FLVCR2: variants seen among roughly 807,000 people sequenced by gnomAD.
The protein encoded by FLVCR2 is FLVCR choline and putative heme transporter 2, also known as choline/ethanolamine transporter FLVCR2.
A neutral mutation model predicts 48.9 loss-of-function variants in FLVCR2; 38 were observed. The observed-to-expected ratio is 0.78, with a 90% confidence interval of 0.60 to 1.02. The LOEUF is 1.02. FLVCR2 is among the 50% of genes least tolerant of loss of function. The pLI, the probability that FLVCR2 is intolerant of heterozygous loss-of-function variation, is 0.00. For missense variants in FLVCR2, 664 were observed against 663.3 expected, an observed-to-expected ratio of 1.00 and a Z score of -0.01; for synonymous variants, 255 against 257.0, an observed-to-expected ratio of 0.99 and a Z score of 0.07.
intron 1 of FLVCR2, among the ~76,000 whole-genome samples, chr14:75,598,117 T>G (rs1197083746): frequency 6.6e-6 from 1 of 152,034 alleles, no homozygotes; most frequent in Non-Finnish European, 1.5e-5. Flanking sequence ...AGTGCTGGGA[T>G]TACAGGTGTG....
At chr14:75,631,017 T>A (rs1377317313) in intron 3 of FLVCR2, among the ~76,000 whole-genome samples, 1 of 152,116 alleles carries the variant, frequency 6.6e-6, no homozygotes, top group East Asian at 1.9e-4. Context: ...GGCAGTAGAG[T>A]GGACTTACGC....
Position 75,640,191 on chromosome 14 carries a change from G to A in FLVCR2, c.1235+729G>A, listed in dbSNP as rs1043543386. On this transcript the variant is annotated intron_variant, in intron 6 of 9. Coordinates refer to ENST00000238667, the MANE Select transcript of FLVCR2 (RefSeq NM_017791.3). ...GGAGAATCGCTGGCACCTGGGAGGC[G>A]GAAGTTGCAGTGAGCCAAGATCGAA... Among the ~76,000 whole-genome samples the A allele has an allele frequency of 7.3e-5, 11 of 150,528 alleles. No homozygotes were observed. The East Asian group carries it at 1.6e-3, about 21-fold the overall frequency.
chr14:75,596,030 T>A (rs1566784756), intron 1 of FLVCR2: 2 of 1,370,130 alleles, frequency 1.5e-6, no homozygotes, highest in Non-Finnish European at 2.1e-6. Flanking sequence ...GAGTTTTGAA[T>A]GCAAATACAA....
At chr14:75,598,000 ATT>A (rs1046693005) in intron 1 of FLVCR2, among the ~76,000 whole-genome samples, 1 of 147,708 alleles carries the variant, frequency 6.8e-6, no homozygotes, top group Non-Finnish European at 1.5e-5. Flanking sequence ...GTCAGGGCTG[ATT>A]TTTTTTTTTC....
chr14:75,607,141 G>C (rs1263967841), intron 1 of FLVCR2, among the ~76,000 whole-genome samples: 1 of 152,166 alleles, frequency 6.6e-6, no homozygotes. Flanking sequence ...CAGGATACCT[G>C]TCCTCTTTGG....
At chr14:75,635,483 G>A (rs1326287937) in intron 5 of FLVCR2, among the ~76,000 whole-genome samples, 1 of 152,194 alleles carries the variant, frequency 6.6e-6, no homozygotes, top group Non-Finnish European at 1.5e-5. Context: ...ATATTATTGT[G>A]CAATTATTTA....
chr14:75,623,712 G>T (rs1889818789), intron 2 of FLVCR2, among the ~76,000 whole-genome samples: 1 of 152,010 alleles, frequency 6.6e-6, no homozygotes, highest in Non-Finnish European at 1.5e-5. Flanking sequence ...TTTGAACACT[G>T]CCTGGGAGGT....
rs768605943 is a variant in FLVCR2, at chr14:75,641,286, C to A, written c.1446C>A (p.Ala482=). 6.2e-7 allele frequency: 1 copy of A among 1,612,940 alleles called. No homozygotes were observed. Among genetic ancestry groups the A allele is most frequent in the Non-Finnish European group, 8.5e-7 (1 of 1,179,074 alleles). ...FLCVFLTLGA[A]LTAFIKADLR... ...GTGTGTTCCTTACTCTTGGAGCAGC[C>A]CTCACTGGTGAGTTGGAGCCTGAGG... The change falls in exon 8 of 10, where the codon GCC becomes GCA. Residue 482 remains alanine, a synonymous_variant. Coordinates refer to ENST00000238667, the MANE Select transcript of FLVCR2 (RefSeq NM_017791.3).
In FLVCR2 at chr14:75,646,775, T is replaced by C. The variant is rs999624940; in HGVS notation, c.*303T>C. 1 of 411,746 alleles carries C rather than the reference T, an allele frequency of 2.4e-6. No individual in the cohort carries two copies. The highest frequency in any genetic ancestry group is 4.6e-6 in the Non-Finnish European group (1 of 216,832). 25.5% of individuals were successfully genotyped at this position (411,746 alleles called of 1,614,324 possible). On this transcript the variant is annotated 3_prime_UTR_variant, in exon 10 of 10. Transcript: ENST00000238667. ...TGGAGTCAATCCTAGCTTGGTCTCTTGCCTTCCCTCTTTTCCTCCATCCAT... is the reference window on the plus strand; with the variant it reads ...TGGAGTCAATCCTAGCTTGGTCTCTCGCCTTCCCTCTTTTCCTCCATCCAT...
At chr14:75,636,801 G>A (rs1054268455) in intron 5 of FLVCR2, among the ~76,000 whole-genome samples, 6 of 152,034 alleles carry the variant, frequency 3.9e-5, no homozygotes. Flanking sequence ...TTGGAGGTTG[G>A]AAATTGGGTG....
At position 75,579,643 on chromosome 14, in the gene FLVCR2, T is replaced by A. The variant is rs1481379811; in HGVS notation, c.669+2T>A. On this transcript the variant is annotated splice_donor_variant, in intron 1 of 9. Transcript: ENST00000238667. LOFTEE classifies it high-confidence loss of function. ...TCCGTGGCTGTCTTTGGCAATCAGG[T>A]AGGTAGAACAGTTTGTGAATGTTCC... 3 of 1,613,964 alleles carry A rather than the reference T, an allele frequency of 1.9e-6. No homozygotes were observed. In the Admixed American group the frequency reaches 5.0e-5, roughly 27 times the overall value.
chr14:75,585,846 G>A (rs541884729), intron 1 of FLVCR2, among the ~76,000 whole-genome samples: 143 of 152,342 alleles, frequency 9.4e-4, no homozygotes, highest in African/African-American at 3.4e-3. Context: ...GAATTGGAAG[G>A]ACAGGGAGAT....
intron 2 of FLVCR2, among the ~76,000 whole-genome samples, chr14:75,623,245 G>A (rs1264799354): frequency 6.6e-6 from 1 of 152,206 alleles, no homozygotes; most frequent in Non-Finnish European, 1.5e-5. Flanking sequence ...GCCTCCCAAA[G>A]TGCTGGGATT....
At chr14:75,639,208 C>T in intron 5 of FLVCR2, 144 bp from the exon 6 acceptor site, 1 of 699,888 alleles carries the variant, frequency 1.4e-6, no homozygotes, top group Non-Finnish European at 2.6e-6. Context: ...AAGACACTGT[C>T]TCTGAAAACA....
intron 1 of FLVCR2, among the ~76,000 whole-genome samples, chr14:75,592,773 G>A (rs1888917177): frequency 6.6e-6 from 1 of 152,042 alleles, no homozygotes; most frequent in Non-Finnish European, 1.5e-5. Flanking sequence ...CGGATCACCT[G>A]AGGTCAGGAG....
chr14:75,624,620 G>A lies in FLVCR2; in HGVS notation c.820G>A (p.Glu274Lys). The A allele has an allele frequency of 1.2e-6, 2 of 1,614,004 alleles. No homozygotes were observed. The highest frequency in any genetic ancestry group is 1.7e-6 in the Non-Finnish European group (2 of 1,180,012). Reference protein sequence around the residue: ...LLILVIIVFKEKPKYPPSRAQ... With the variant: ...LLILVIIVFKKKPKYPPSRAQ... ...TGTTTTTTTCCTTTCAGTGTTCAAG[G>A]AGAAACCTAAATATCCCCCCAGCAG... The change falls in exon 3 of 10, where the codon GAG becomes AAG. Residue 274 changes from glutamate (E) to lysine (K), a missense_variant. By Grantham distance (56) the Glu-to-Lys change is moderately conservative (BLOSUM62 1). Transcript: ENST00000238667.
intron 3 of FLVCR2, chr14:75,632,634 C>T (rs1320833246): frequency 1.4e-6 from 1 of 702,218 alleles, no homozygotes; most frequent in South Asian, 1.5e-5. Flanking sequence ...TGAAGAGGAA[C>T]TCCTGAGGCT....
At position 75,627,098 on chromosome 14, in the gene FLVCR2, G is replaced by T. The variant is rs958407672; in HGVS notation, c.952+2346G>T. Among the ~76,000 whole-genome samples, 9 of 151,884 alleles carry T rather than the reference G, an allele frequency of 5.9e-5. 1 individual carries two copies. The highest frequency in any genetic ancestry group is 1.7e-4 in the African/African-American group (7 of 41,142). ...TTGCTCCTGGTCATCGAGGGGTCAA[G>T]CCTAGGCCATGCTGTGGGGAGCAAA... On this transcript the variant is annotated intron_variant, in intron 3 of 9. Coordinates refer to ENST00000238667, the MANE Select transcript of FLVCR2 (RefSeq NM_017791.3).
intron 1 of FLVCR2, among the ~76,000 whole-genome samples, chr14:75,598,870 C>T (rs1889090729): frequency 1.3e-5 from 2 of 152,224 alleles, no homozygotes; most frequent in African/African-American, 4.8e-5. Flanking sequence ...TTCCAGACCT[C>T]CGCTCCCCAC....
Sources: gnomAD v4.1 joint callset for allele counts (sites outside exome capture counted in the v4.1 genomes callset) on GRCh38, gnomAD v4.1.1 for gene constraint, MANE v1.5 for transcripts, NCBI Gene and HGNC (gene_info 2026-07-23, HGNC 2026-07-21) for gene names.